AFF2: variants seen among roughly 807,000 people sequenced by gnomAD.
The protein encoded by AFF2 is ALF transcription elongation factor 2.
In AFF2, 14 loss-of-function variants were observed where a neutral mutation model predicts 76.9. That is an observed-to-expected ratio of 0.18 (90% confidence interval 0.12 to 0.28). AFF2 has a LOEUF of 0.28. Among genes scored for constraint, AFF2 ranks in the 10% least tolerant of loss-of-function variants. The pLI is 1.00. For synonymous variants in AFF2, 398 were observed against 366.7 expected, an observed-to-expected ratio of 1.09 and a Z score of -0.98; for missense variants, 868 against 1,001.1, an observed-to-expected ratio of 0.87 and a Z score of 1.79.
At chrX:148,713,353 G>A (rs1238596193) in intron 3 of AFF2, among the ~76,000 whole-genome samples, 2 of 111,226 alleles carry the variant, frequency 1.8e-5, no homozygotes, top group Non-Finnish European at 3.8e-5. Flanking sequence ...CACTTTGGTG[G>A]TTATAGAAAT....
chrX:148,550,511 G>A (rs940030704), intron 1 of AFF2, among the ~76,000 whole-genome samples: 6 of 111,462 alleles, frequency 5.4e-5, no homozygotes, highest in Admixed American at 3.8e-4. Flanking sequence ...AAAGACACAA[G>A]CATGTATCAA....
At chrX:148,858,637 A>T (rs1423839778) in intron 7 of AFF2, among the ~76,000 whole-genome samples, 1 of 111,660 alleles carries the variant, frequency 9.0e-6, no homozygotes, top group African/African-American at 3.2e-5. Flanking sequence ...TACAACATAC[A>T]AATATCAATT....
At chrX:148,824,819 T>A (rs1557272864) in intron 4 of AFF2, among the ~76,000 whole-genome samples, 1 of 111,264 alleles carries the variant, frequency 9.0e-6, no homozygotes, top group East Asian at 2.8e-4. Context: ...GAGGACTGCT[T>A]GAGACCAGGA....
intron 9 of AFF2, among the ~76,000 whole-genome samples, chrX:148,919,374 C>T (rs1557282962): frequency 9.0e-6 from 1 of 110,726 alleles, no homozygotes; most frequent in African/African-American, 3.3e-5. Flanking sequence ...GTGTTAGCTT[C>T]CTCTCACTTC....
At chrX:148,761,956 T>TATATAG (rs56137519) in intron 3 of AFF2, among the ~76,000 whole-genome samples, 5,368 of 99,519 alleles carry the variant, frequency 0.054, 149 homozygotes, top group East Asian at 0.095. Context: ...TGTATGTGTG[T>TATATAG]ATATAGATAT....
At chrX:148,690,294 A>G (rs1557260656) in intron 3 of AFF2, among the ~76,000 whole-genome samples, 1 of 112,614 alleles carries the variant, frequency 8.9e-6, no homozygotes. Context: ...CAAGTCAAGG[A>G]TAACTCAGTA....
Position 148,662,486 on chromosome X carries a change from A to C in AFF2, c.759A>C (p.Leu253=), listed in dbSNP as rs782313984. The change falls in exon 3 of 21, where the codon CTA becomes CTC. Residue 253 remains leucine, a synonymous_variant. Coordinates refer to ENST00000370460, the MANE Select transcript of AFF2 (RefSeq NM_002025.4). ...EFAVQAPGSP[L]VASSLLAPSS... is the part of the protein sequence containing the mutation. ...CCGTGCAAGCGCCTGGGTCTCCCCT[A>C]GTGGCTTCCTCTTTATTAGCTCCTA... 3.3e-6 allele frequency: 4 copies of C among 1,210,446 alleles called. No individual in the cohort carries two copies. The African/African-American group carries it at 7.0e-5, about 21-fold the overall frequency.
At position 148,978,428 on chromosome X, in the gene AFF2, C is replaced by T. The variant is rs141612728; in HGVS notation, c.3543C>T (p.Tyr1181=). 621 of 1,183,674 alleles carry T rather than the reference C, an allele frequency of 5.2e-4. No individual in the cohort carries two copies. The highest frequency in any genetic ancestry group is 6.9e-4 in the Non-Finnish European group (604 of 871,050). ...FKLKKDHAMK[Y]SRSLMEYFKQ... ...TGAAGAAGGACCATGCTATGAAGTA[C>T]TCCAGATCACTGATGGAATATTTTA... Residue 1181 remains tyrosine, a synonymous_variant, in exon 18 of 21, where the codon TAC becomes TAT. Transcript: ENST00000370460.
At chrX:148,626,219 A>G (rs1331254681) in intron 1 of AFF2, among the ~76,000 whole-genome samples, 1 of 110,218 alleles carries the variant, frequency 9.1e-6, no homozygotes, top group East Asian at 2.9e-4. Context: ...GCATCTCTCT[A>G]CCATTTACTC....
chrX:148,694,280 A>G (rs2054688998), intron 3 of AFF2, among the ~76,000 whole-genome samples: 1 of 110,785 alleles, frequency 9.0e-6, no homozygotes, highest in Admixed American at 9.6e-5. Context: ...ACTAACCAGC[A>G]CATTTTGCAC....
At chrX:148,726,280 G>T (rs913402962) in intron 3 of AFF2, among the ~76,000 whole-genome samples, 1 of 111,797 alleles carries the variant, frequency 8.9e-6, no homozygotes, top group African/African-American at 3.2e-5. Context: ...AGCGTCCAAG[G>T]TTTTTACTGG....
chrX:148,621,075 T>C (rs1390549423), intron 1 of AFF2, among the ~76,000 whole-genome samples: 2 of 111,454 alleles, frequency 1.8e-5, no homozygotes, highest in African/African-American at 6.5e-5. Context: ...TCCAGGGAGC[T>C]GTCCTGGTCT....
chrX:148,623,296 T>C (rs998653426), intron 1 of AFF2, among the ~76,000 whole-genome samples: 43 of 111,004 alleles, frequency 3.9e-4, no homozygotes, highest in African/African-American at 1.3e-3. Flanking sequence ...TATTTAGTAT[T>C]GAAAGAATGG....
intron 4 of AFF2, among the ~76,000 whole-genome samples, chrX:148,829,812 A>G (rs1303276984): frequency 8.9e-6 from 1 of 111,879 alleles, no homozygotes; most frequent in East Asian, 2.8e-4. Context: ...AGTAGGCTCC[A>G]TGATTGGAAA....
intron 9 of AFF2, among the ~76,000 whole-genome samples, chrX:148,916,533 C>G (rs1295039746): frequency 3.6e-5 from 4 of 110,901 alleles, no homozygotes; most frequent in African/African-American, 1.3e-4. Context: ...AAAAACTAAT[C>G]TAAGATGGTG....
chrX:148,946,579 C>G (rs1357183413), intron 9 of AFF2, among the ~76,000 whole-genome samples: 5 of 112,765 alleles, frequency 4.4e-5, no homozygotes, highest in African/African-American at 1.6e-4. Flanking sequence ...TGGCTGCATT[C>G]CTTTCTGAAG....
intron 9 of AFF2, among the ~76,000 whole-genome samples, chrX:148,923,742 G>T (rs1322467338): frequency 8.9e-6 from 1 of 111,798 alleles, no homozygotes; most frequent in African/African-American, 3.2e-5. Flanking sequence ...TATAGTCTTT[G>T]CCTAGAAGAG....
intron 9 of AFF2, among the ~76,000 whole-genome samples, chrX:148,910,054 A>G (rs1264684879): frequency 2.7e-5 from 3 of 112,791 alleles, no homozygotes; most frequent in Non-Finnish European, 5.6e-5. Context: ...TTACCAAAAG[A>G]GAGAGAGAAA....
intron 4 of AFF2, among the ~76,000 whole-genome samples, chrX:148,811,039 C>T (rs1472386840): frequency 3.6e-5 from 4 of 111,266 alleles, no homozygotes; most frequent in African/African-American, 1.3e-4. Context: ...CACATTCGTG[C>T]ACCTGTTTCA....
Sources: allele counts gnomAD v4.1 joint callset (sites outside exome capture counted in the v4.1 genomes callset), GRCh38; gene constraint gnomAD v4.1.1; transcripts MANE v1.5; gene names NCBI Gene and HGNC (gene_info 2026-07-23, HGNC 2026-07-21).